DNAJC15: variants seen among roughly 807,000 people sequenced by gnomAD.
DNAJC15 encodes the protein dnaJ homolog subfamily C member 15.
In DNAJC15, 27 loss-of-function variants were observed where a neutral mutation model predicts 22.4. The observed-to-expected ratio is 1.20, with a 90% CI of 0.89 to 1.66. The LOEUF (loss-of-function observed/expected upper bound fraction) is 1.66, where lower values mean the gene tolerates loss of function less well. Among genes scored for constraint, DNAJC15 ranks in the 40% most tolerant of loss-of-function variants. DNAJC15 has a pLI of 0.00. For missense variants in DNAJC15, 208 were observed against 187.1 expected (o/e 1.11, Z -0.65); for synonymous variants, 79 against 63.2 (o/e 1.25, Z -1.19).
At chr13:43,046,448 C>A (rs906923919) in intron 1 of DNAJC15, among the ~76,000 whole-genome samples, 2 of 151,900 alleles carry the variant, frequency 1.3e-5, no homozygotes, top group Admixed American at 6.6e-5. Context: ...AATTCCTAAG[C>A]CTAACTGGGG....
intron 1 of DNAJC15, among the ~76,000 whole-genome samples, chr13:43,053,663 T>C (rs2040516159): frequency 6.9e-6 from 1 of 145,628 alleles, no homozygotes; most frequent in South Asian, 2.1e-4. Flanking sequence ...TTGTTTGTTT[T>C]TTCTTTGCAG....
intron 4 of DNAJC15, among the ~76,000 whole-genome samples, chr13:43,081,405 C>G (rs1313187303): frequency 6.6e-6 from 1 of 151,938 alleles, no homozygotes; most frequent in Non-Finnish European, 1.5e-5. Context: ...AAGAACCTAT[C>G]AACAGTATTG....
intron 5 of DNAJC15, among the ~76,000 whole-genome samples, chr13:43,094,329 C>T (rs1193403573): frequency 6.6e-6 from 1 of 152,256 alleles, no homozygotes; most frequent in African/African-American, 2.4e-5. Flanking sequence ...CTGTCAGCAG[C>T]TTCCCCTGGG....
At position 43,078,687 on chromosome 13, in the gene DNAJC15, A is replaced by G; in HGVS notation, c.310A>G (p.Ser104Gly). Residue 104 changes from serine to glycine, a missense_variant and splice_region_variant, in exon 4 of 6, where the codon AGC (serine) becomes GGC (glycine). Coordinates refer to ENST00000379221, the MANE Select transcript of DNAJC15 (RefSeq NM_013238.3). ...RREAGLILGV[S>G]PSAGKAKIRT... ...AGAAGCTGGTCTTATTTTAGGTGTA[A>G]GGTAGGTGTGCAGCATAAGTATTGT... The G allele has an allele frequency of 6.2e-7, 1 of 1,613,188 alleles. No homozygotes were observed. The highest frequency in any genetic ancestry group is 8.5e-7 in the Non-Finnish European group (1 of 1,179,358).
At chr13:43,030,704 A>T (rs2040400666) in intron 1 of DNAJC15, among the ~76,000 whole-genome samples, 1 of 152,194 alleles carries the variant, frequency 6.6e-6, no homozygotes, top group Middle Eastern at 3.2e-3. Flanking sequence ...AAGGGACTTG[A>T]CCAGAAACTA....
At chr13:43,043,060 T>G (rs1204018577) in intron 1 of DNAJC15, among the ~76,000 whole-genome samples, 1 of 152,216 alleles carries the variant, frequency 6.6e-6, no homozygotes, top group African/African-American at 2.4e-5. Flanking sequence ...AGCAAGATTT[T>G]CTGACCAGTC....
At chr13:43,043,556 T>TA (rs1440595755) in intron 1 of DNAJC15, among the ~76,000 whole-genome samples, 1 of 152,242 alleles carries the variant, frequency 6.6e-6, no homozygotes, top group African/African-American at 2.4e-5. Flanking sequence ...AGATTATTCT[T>TA]AAAAAATCAT....
chr13:43,043,220 C>T (rs922672059), intron 1 of DNAJC15, among the ~76,000 whole-genome samples: 14 of 152,066 alleles, frequency 9.2e-5, no homozygotes, highest in Non-Finnish European at 4.4e-5. Flanking sequence ...CGAGTCTCCC[C>T]CCTCAGCCTC....
At chr13:43,031,845 A>G (rs1005719292) in intron 1 of DNAJC15, among the ~76,000 whole-genome samples, 14 of 152,228 alleles carry the variant, frequency 9.2e-5, no homozygotes, top group African/African-American at 3.1e-4. Context: ...TCAACTTCTT[A>G]AATTATGTCA....
chr13:43,092,501 C>T (rs887674219), intron 5 of DNAJC15, among the ~76,000 whole-genome samples: 11 of 150,794 alleles, frequency 7.3e-5, no homozygotes, highest in South Asian at 2.1e-4. Flanking sequence ...TACACACACA[C>T]ATGTGTGTGT....
intron 3 of DNAJC15, among the ~76,000 whole-genome samples, chr13:43,069,246 T>G (rs2040597978): frequency 1.3e-5 from 2 of 152,222 alleles, no homozygotes; most frequent in South Asian, 4.1e-4. Flanking sequence ...TGTTTAGTAG[T>G]ATTACATCAA....
intron 4 of DNAJC15, among the ~76,000 whole-genome samples, chr13:43,081,445 A>ATT (rs11384038): frequency 1.8e-4 from 27 of 148,912 alleles, no homozygotes; most frequent in African/African-American, 4.2e-4. Context: ...CACATTTATG[A>ATT]TTTTTTTTTT....
At chr13:43,085,707 C>T (rs2040684580) in intron 4 of DNAJC15, 61 bp from the exon 5 acceptor site, 3 of 1,434,194 alleles carry the variant, frequency 2.1e-6, no homozygotes, top group Non-Finnish European at 2.9e-6. Flanking sequence ...CCATATAAAC[C>T]CTTAATTTAT....
intron 1 of DNAJC15, among the ~76,000 whole-genome samples, chr13:43,026,013 C>A (rs1218737591): frequency 6.6e-6 from 1 of 152,232 alleles, no homozygotes; most frequent in African/African-American, 2.4e-5. Context: ...TGTCATATTA[C>A]ACCAATTTGT....
At position 43,109,612 on chromosome 13, in the gene DNAJC15, A is replaced by G. The variant is rs930963741; in HGVS notation, c.*2364A>G. Reference sequence around the variant, plus strand: ...GGAGTCAGATCTGGTTTTGAATACTATCTTCCTGTTATGTGATCTTGGGCA... The same window carrying G: ...GGAGTCAGATCTGGTTTTGAATACTGTCTTCCTGTTATGTGATCTTGGGCA... On this transcript the variant is annotated 3_prime_UTR_variant, in exon 6 of 6. Coordinates refer to ENST00000379221, the MANE Select transcript of DNAJC15 (RefSeq NM_013238.3). The G allele has an allele frequency of 4.6e-5, 7 of 152,054 alleles. No homozygotes were observed. Among genetic ancestry groups the G allele is most frequent in the African/African-American group, 1.4e-4 (6 of 41,386 alleles). The allele number at this position is 152,054 out of a possible 1,614,324, so 9.4% of individuals were successfully genotyped here.
rs1190667984 is a variant in DNAJC15, at chr13:43,107,478, ACATT to A, written c.*234_*237del. The A allele has an allele frequency of 9.8e-6, 3 of 306,640 alleles. No homozygotes were observed. Among genetic ancestry groups the A allele is most frequent in the Non-Finnish European group, 1.8e-5 (3 of 169,124 alleles). 19.0% of individuals were successfully genotyped at this position (306,640 alleles called of 1,614,324 possible). ...GATCTTTTTTCTTATTTTGTTTGTG[ACATT>A]CATACATTTTTAAGATTTTTGTTAT... is the stretch of plus-strand genomic sequence containing the variant. On this transcript the variant is annotated 3_prime_UTR_variant, in exon 6 of 6. Transcript: ENST00000379221.
chr13:43,067,369 A>T (rs940896146), intron 2 of DNAJC15, among the ~76,000 whole-genome samples: 6 of 152,218 alleles, frequency 3.9e-5, no homozygotes, highest in African/African-American at 1.4e-4. Flanking sequence ...ACTTATACTT[A>T]ATGAATTTCT....
chr13:43,087,655 G>A (rs750964512), intron 5 of DNAJC15, among the ~76,000 whole-genome samples: 1 of 152,074 alleles, frequency 6.6e-6, no homozygotes, highest in Non-Finnish European at 1.5e-5. Context: ...CAGTGCTTCC[G>A]AATTCATGAA....
chr13:43,078,530 C>CA, intron 3 of DNAJC15, 82 bp from the exon 4 acceptor site: 2 of 1,067,544 alleles, frequency 1.9e-6, no homozygotes, highest in Non-Finnish European at 2.7e-6. Flanking sequence ...GCATTACTCT[C>CA]ACTGCAGCTA....
Sources: allele counts gnomAD v4.1 joint callset (sites outside exome capture counted in the v4.1 genomes callset), GRCh38; gene constraint gnomAD v4.1.1; transcripts MANE v1.5; gene names NCBI Gene and HGNC (gene_info 2026-07-23, HGNC 2026-07-21).